TIMP4: variants seen among roughly 807,000 people sequenced by gnomAD.
The protein encoded by TIMP4 is TIMP metallopeptidase inhibitor 4.
Under a neutral mutation model 27.3 loss-of-function variants are expected in TIMP4, and 28 were observed. The observed-to-expected ratio is 1.03, with a 90% CI of 0.76 to 1.41. The LOEUF is 1.41. Among genes scored for constraint, TIMP4 ranks in the 40% most tolerant of loss-of-function variants. The probability of loss-of-function intolerance (pLI) is 0.00; values close to 1 mark genes in which losing one functional copy is unlikely to be tolerated. For missense variants in TIMP4, 307 were observed against 285.5 expected (o/e 1.08, Z -0.54); for synonymous variants, 138 against 115.5 (o/e 1.20, Z -1.25).
intron 3 of TIMP4, among the ~76,000 whole-genome samples, chr3:12,154,824 A>G (rs1432609452): frequency 6.6e-6 from 1 of 152,146 alleles, no homozygotes; most frequent in Non-Finnish European, 1.5e-5. Flanking sequence ...AAAATTATAA[A>G]GTTGTCAGAT....
At chr3:12,154,504 C>G in intron 3 of TIMP4, 53 bp from the exon 4 acceptor site, 3 of 1,600,758 alleles carry the variant, frequency 1.9e-6, no homozygotes, top group South Asian at 1.1e-5. Flanking sequence ...TCCTGGAGCC[C>G]CAGGGGCCCA....
In TIMP4 at chr3:12,157,476, C is replaced by T; in HGVS notation, c.146G>A (p.Arg49Gln). ...TACCTTCTCACTGGAGATTTTGGCC[C>T]GAATCACTGCATAGGAAGAGAAAAG... ...QHICHSALVIRAKISSEKVVP... is the reference protein window; with the variant it reads ...QHICHSALVIQAKISSEKVVP... The change falls in exon 2 of 5, where the codon CGG becomes CAG. Residue 49 changes from arginine to glutamine, a missense_variant. Physicochemically the swap from Arg to Gln is conservative, Grantham distance 43. Transcript: ENST00000287814. 3.7e-6 allele frequency: 6 copies of T among 1,614,032 alleles called. No homozygotes were observed. Among genetic ancestry groups the T allele is most frequent in the South Asian group, 1.1e-5 (1 of 91,054 alleles).
chr3:12,157,512 C>T lies in TIMP4; in HGVS notation c.140-30G>A, dbSNP rs762646307. Reference sequence around the variant, plus strand: ...ATAGGAAGAGAAAAGAGGGAACCTTCAGCAGCTGGTGGGGGCAATACACCT... The same window carrying T: ...ATAGGAAGAGAAAAGAGGGAACCTTTAGCAGCTGGTGGGGGCAATACACCT... On this transcript the variant is annotated intron_variant, in intron 1 of 4. Coordinates refer to ENST00000287814, the MANE Select transcript of TIMP4 (RefSeq NM_003256.4). The T allele has an allele frequency of 3.7e-6, 6 of 1,607,924 alleles. No individual in the cohort carries two copies. The African/African-American group carries it at 8.0e-5, about 22-fold the overall frequency.
At position 12,153,407 on chromosome 3, in the gene TIMP4, A is replaced by G; in HGVS notation, c.*108T>C. ...CCAGACTGTCCACTTGGCACTTCTT[A>G]TTAGCTGGCAGCAAGAGGTCAGGTG... is the stretch of plus-strand genomic sequence containing the variant. On this transcript the variant is annotated 3_prime_UTR_variant, in exon 5 of 5. Transcript: ENST00000287814. 2 of 1,310,976 alleles carry G rather than the reference A, an allele frequency of 1.5e-6. No homozygotes were observed. Among genetic ancestry groups the G allele is most frequent in the South Asian group, 2.5e-5 (2 of 81,226 alleles). The allele number at this position is 1,310,976 out of a possible 1,614,324, so 81.2% of individuals were successfully genotyped here. A position where few individuals can be genotyped will look rare whatever the true frequency, so the allele number is the denominator to read the frequency against.
chr3:12,156,776 C>T (rs776485206), intron 3 of TIMP4, 44 bp downstream of exon 3: 108 of 1,516,226 alleles, frequency 7.1e-5, no homozygotes, highest in Non-Finnish European at 9.3e-5. Context: ...TCCCCTAGGG[C>T]AGAATCTATT....
At position 12,154,237 on chromosome 3, in the gene TIMP4, T is replaced by C. The variant is rs1004601194; in HGVS notation, c.477+90A>G. The C allele has an allele frequency of 1.9e-5, 30 of 1,567,784 alleles. No homozygotes were observed. In the African/African-American group the frequency reaches 3.4e-4, roughly 18 times the overall value. ...CTTCATACAGTGCAGATCTCAAGTA[T>C]AGTCTAGTAAGTGAATAAATTCATG... On this transcript the variant is annotated intron_variant, in intron 4 of 4. Transcript: ENST00000287814.
rs17035945 is a variant in TIMP4 at position 12,153,128 on chromosome 3, C to T, written c.*387G>A. The T allele has an allele frequency of 0.15, 42,749 of 286,494 alleles. 4,054 individuals are homozygous for T. The highest frequency in any genetic ancestry group is 0.32 in the African/African-American group (14,774 of 46,776). 17.7% of individuals were successfully genotyped at this position (286,494 alleles called of 1,614,324 possible). ...GATGCTGTCAAACCACCTTCTGATA[C>T]TGTACATCGCAAGGATATACCATCT... On this transcript the variant is annotated 3_prime_UTR_variant, in exon 5 of 5. Coordinates refer to ENST00000287814, the MANE Select transcript of TIMP4 (RefSeq NM_003256.4).
In TIMP4 at chr3:12,154,464, A is replaced by G; in HGVS notation, c.353-13T>C. 1 of 1,613,788 alleles carries G rather than the reference A, an allele frequency of 6.2e-7. No individual in the cohort carries two copies. Among genetic ancestry groups the G allele is most frequent in the Non-Finnish European group, 8.5e-7 (1 of 1,179,824 alleles). On this transcript the variant is annotated splice_polypyrimidine_tract_variant and intron_variant, in intron 3 of 4. Transcript: ENST00000287814. ...CTGAGGACCTGACCTTCAAGGGGAGATGGAGGAGAGTCAAGCATCAGGATT... is the reference window on the plus strand; with the variant it reads ...CTGAGGACCTGACCTTCAAGGGGAGGTGGAGGAGAGTCAAGCATCAGGATT...
At position 12,153,678 on chromosome 3, in the gene TIMP4, G is replaced by A. The variant is rs755266079; in HGVS notation, c.512C>T (p.Ser171Leu). The A allele has an allele frequency of 1.5e-5, 24 of 1,614,082 alleles. No homozygotes were observed. Among genetic ancestry groups the A allele is most frequent in the African/African-American group, 2.7e-5 (2 of 74,928 alleles). Reference sequence around the variant, plus strand: ...TGTCCAGAGGCACTCGTTAGGGGCCGAGATGGTACAGGGTACTGTGTAGCA... The same window carrying A: ...TGTCCAGAGGCACTCGTTAGGGGCCAAGATGGTACAGGGTACTGTGTAGCA... ...TTCYTVPCTI[S>L]APNECLWTDW... Residue 171 changes from serine (S) to leucine (L), a missense_variant, in exon 5 of 5, where the codon TCG becomes TTG. Coordinates refer to ENST00000287814, the MANE Select transcript of TIMP4 (RefSeq NM_003256.4).
At chr3:12,154,261 T>G (rs1697388117) in intron 4 of TIMP4, 66 bp downstream of exon 4, 2 of 1,605,424 alleles carry the variant, frequency 1.2e-6, no homozygotes, top group Admixed American at 3.3e-5. Flanking sequence ...AATAAATTCA[T>G]GCATGAATGA....
Position 12,153,179 on chromosome 3 carries a change from C to A in TIMP4, c.*336G>T. On this transcript the variant is annotated 3_prime_UTR_variant, in exon 5 of 5. Coordinates refer to ENST00000287814, the MANE Select transcript of TIMP4 (RefSeq NM_003256.4). ...CATGTGTATGACATTCGCCATTTCTCCCCTACCAGATCGATTAAGACAAAG... is the reference window on the plus strand; with the variant it reads ...CATGTGTATGACATTCGCCATTTCTACCCTACCAGATCGATTAAGACAAAG... The A allele has an allele frequency of 2.5e-6, 1 of 392,692 alleles. No homozygotes were observed. The highest frequency in any genetic ancestry group is 4.8e-6 in the Non-Finnish European group (1 of 206,818). 24.3% of individuals were successfully genotyped at this position (392,692 alleles called of 1,614,324 possible). A position where few individuals can be genotyped will look rare whatever the true frequency, so the allele number is the denominator to read the frequency against.
intron 1 of TIMP4, among the ~76,000 whole-genome samples, 158 bp from the exon 2 acceptor site, chr3:12,157,640 G>A (rs559665281): frequency 6.6e-6 from 1 of 152,284 alleles, no homozygotes; most frequent in South Asian, 2.1e-4. Flanking sequence ...GGGGGACCTG[G>A]AAACACCTCC....
At chr3:12,157,278 A>G (rs1300527871) in intron 2 of TIMP4, 107 bp downstream of exon 2, 26 of 1,005,070 alleles carry the variant, frequency 2.6e-5, no homozygotes, top group Middle Eastern at 4.1e-4. Context: ...TCTAGACCCA[A>G]GGATTACTGA....
Position 12,158,859 on chromosome 3 carries a change from CTG to C in TIMP4, c.-21_-20del. On this transcript the variant is annotated 5_prime_UTR_variant, in exon 1 of 5. Transcript: ENST00000287814. ...CAGGCATGACACTGCAGATCCGCGA[CTG>C]AGCCTGTGAGGTCTGGGGGACTGGA... 6.5e-7 allele frequency: 1 copy of C among 1,549,816 alleles called. No homozygotes were observed. Among genetic ancestry groups the C allele is most frequent in the South Asian group, 1.2e-5 (1 of 82,826 alleles).
chr3:12,156,983 G>A (rs1208706544), intron 2 of TIMP4, 49 bp from the exon 3 acceptor site: 1 of 1,362,412 alleles, frequency 7.3e-7, no homozygotes, highest in Admixed American at 1.8e-5. Flanking sequence ...TGAGTGTACT[G>A]TATATATTAA....
At chr3:12,155,105 C>A (rs1697417571) in intron 3 of TIMP4, among the ~76,000 whole-genome samples, 1 of 67,824 alleles carries the variant, frequency 1.5e-5, no homozygotes, top group Non-Finnish European at 3.5e-5. Flanking sequence ...CTTTCAGTGC[C>A]ACCTCAAAGC....
chr3:12,156,829 G>C lies in TIMP4; in HGVS notation c.343C>G (p.Leu115Val), dbSNP rs761886594. 3 of 1,613,810 alleles carry C rather than the reference G, an allele frequency of 1.9e-6. No homozygotes were observed. The highest frequency in any genetic ancestry group is 2.5e-6 in the Non-Finnish European group (3 of 1,179,658). ...KLEANSQKQY[L>V]LTGQVLSDGK... The stretch of plus-strand genomic sequence containing the variant: ...TGGTCTTTTAACTTACCAGTCAAGA[G>C]ATACTGCTTCTGGCTGTTGGCTTCT... Residue 115 changes from leucine to valine, a missense_variant, in exon 3 of 5, where the codon CTC becomes GTC. Physicochemically the swap from Leu to Val is conservative, Grantham distance 32. Transcript: ENST00000287814.
chr3:12,154,935 T>C (rs752370610), intron 3 of TIMP4, among the ~76,000 whole-genome samples: 8 of 152,220 alleles, frequency 5.3e-5, no homozygotes, highest in Non-Finnish European at 8.8e-5. Flanking sequence ...CTTCCCAGTA[T>C]CTGCACAGGC....
chr3:12,155,715 C>T (rs1352858180), intron 3 of TIMP4, among the ~76,000 whole-genome samples: 1 of 152,198 alleles, frequency 6.6e-6, no homozygotes, highest in Non-Finnish European at 1.5e-5. Flanking sequence ...TGTCATTTCT[C>T]CCCACCCTCA....
Sources: gnomAD v4.1 joint callset for allele counts (sites outside exome capture counted in the v4.1 genomes callset) on GRCh38, gnomAD v4.1.1 for gene constraint, MANE v1.5 for transcripts, NCBI Gene and HGNC (gene_info 2026-07-23, HGNC 2026-07-21) for gene names.